The following PCDHA12 variants were observed in gnomAD, a reference collection of about 807,000 sequenced individuals.
PCDHA12 encodes the protein protocadherin alpha 12.
A neutral mutation model predicts 60.0 loss-of-function variants in PCDHA12; 44 were observed. The observed-to-expected ratio is 0.73, with a 90% CI of 0.58 to 0.94. The LOEUF (loss-of-function observed/expected upper bound fraction) is 0.94. PCDHA12 is among the 40% of genes least tolerant of loss of function. PCDHA12 has a pLI of 0.00. For synonymous variants in PCDHA12, 569 were observed against 553.0 expected, an observed-to-expected ratio of 1.03 and a Z score of -0.40; for missense variants, 1,276 against 1,239.7, an observed-to-expected ratio of 1.03 and a Z score of -0.44.
intron 1 of PCDHA12, among the ~76,000 whole-genome samples, chr5:140,916,395 G>A (rs2077556484): frequency 6.6e-6 from 1 of 152,180 alleles, no homozygotes; most frequent in African/African-American, 2.4e-5. Flanking sequence ...GGAATGTGCT[G>A]GATCACACCT....
intron 1 of PCDHA12, among the ~76,000 whole-genome samples, chr5:140,955,987 A>T (rs1185683030): frequency 6.6e-6 from 1 of 152,198 alleles, no homozygotes; most frequent in Non-Finnish European, 1.5e-5. Context: ...CAATTTTTGC[A>T]CATTGATTTT....
intron 1 of PCDHA12, among the ~76,000 whole-genome samples, chr5:140,970,887 G>A (rs2096441583): frequency 6.6e-6 from 1 of 152,118 alleles, no homozygotes; most frequent in Non-Finnish European, 1.5e-5. Context: ...TTTTCTCATG[G>A]ACATTTCAGA....
intron 3 of PCDHA12, among the ~76,000 whole-genome samples, chr5:140,996,673 T>C (rs2097737293): frequency 6.6e-6 from 1 of 152,200 alleles, no homozygotes; most frequent in African/African-American, 2.4e-5. Context: ...TTTTGAACCA[T>C]GTTGGGCTAG....
At chr5:140,948,292 A>G (rs1174586168) in intron 1 of PCDHA12, among the ~76,000 whole-genome samples, 1 of 151,576 alleles carries the variant, frequency 6.6e-6, no homozygotes, top group Non-Finnish European at 1.5e-5. Flanking sequence ...AATTTTGTAA[A>G]GAATATCTTT....
intron 1 of PCDHA12, among the ~76,000 whole-genome samples, chr5:140,886,986 A>C (rs1246352877): frequency 6.6e-6 from 1 of 152,160 alleles, no homozygotes; most frequent in Non-Finnish European, 1.5e-5. Context: ...TGTAAATCCA[A>C]ATTTCCAGTT....
intron 1 of PCDHA12, among the ~76,000 whole-genome samples, chr5:140,900,283 C>A (rs1325528461): frequency 6.6e-6 from 1 of 151,666 alleles, no homozygotes; most frequent in Non-Finnish European, 1.5e-5. Flanking sequence ...ACCACACTTT[C>A]TTTTCTGTTT....
intron 1 of PCDHA12, chr5:140,884,600 C>T: frequency 6.2e-7 from 1 of 1,614,150 alleles, no homozygotes; most frequent in Non-Finnish European, 8.5e-7. Flanking sequence ...CAGCCTTCCT[C>T]CTTGTCTGGG....
chr5:140,972,505 T>C (rs2096539361), intron 1 of PCDHA12, among the ~76,000 whole-genome samples: 1 of 152,100 alleles, frequency 6.6e-6, no homozygotes, highest in African/African-American at 2.4e-5. Flanking sequence ...GTTGGTAGAT[T>C]TTACCCCCAG....
intron 3 of PCDHA12, among the ~76,000 whole-genome samples, chr5:140,991,634 A>G (rs1261533190): frequency 5.9e-5 from 9 of 152,196 alleles, no homozygotes; most frequent in African/African-American, 1.7e-4. Flanking sequence ...TGTAATAACA[A>G]TCTGTTCATG....
In PCDHA12 at chr5:140,877,297, T is replaced by C. The variant is rs782559386; in HGVS notation, c.1825T>C (p.Tyr609His). 1 of 1,613,924 alleles carries C rather than the reference T, an allele frequency of 6.2e-7. No homozygotes were observed. The highest frequency in any genetic ancestry group is 2.2e-5 in the East Asian group (1 of 44,874). The change falls in exon 1 of 4, where the codon TAC becomes CAC. Residue 609 changes from tyrosine (Y) to histidine (H), a missense_variant. By Grantham distance (83) the Tyr-to-His change is moderately conservative. Transcript: ENST00000398631. ...ADSGYNAWLS[Y>H]ELQPAAVGAH... ...CTCCGGCTATAACGCTTGGCTGTCC[T>C]ACGAGTTGCAACCGGCGGCGGTCGG...
Position 140,978,996 on chromosome 5 carries a change from A to T in PCDHA12, c.2415A>T (p.Ala805=), listed in dbSNP as rs2096831053. The change falls in exon 2 of 4, where the codon GCA becomes GCT. Residue 805 remains alanine, a synonymous_variant. Coordinates refer to ENST00000398631, the MANE Select transcript of PCDHA12 (RefSeq NM_018903.4). ...GGCGTTACTCTGCCTCCCTGAGAGC[A>T]GGCATGCACAGGTATGTATTTCCCT... ...PDWRYSASLR[A]GMHSSVHLEE... 1 of 1,614,186 alleles carries T rather than the reference A, an allele frequency of 6.2e-7. No individual in the cohort carries two copies.
chr5:141,009,953 A>G lies in PCDHA12; in HGVS notation c.*16A>G, dbSNP rs782663496. 3 of 1,592,888 alleles carry G rather than the reference A, an allele frequency of 1.9e-6. No homozygotes were observed. Among genetic ancestry groups the G allele is most frequent in the Non-Finnish European group, 2.6e-6 (3 of 1,172,546 alleles). On this transcript the variant is annotated 3_prime_UTR_variant, in exon 4 of 4. Transcript: ENST00000398631. ...TGACCAGTGAGGTCCTCAAATGGAA[A>G]CAAGCCACTTAGCCAGTTTTTGTAA...
intron 1 of PCDHA12, among the ~76,000 whole-genome samples, chr5:140,893,546 A>T (rs765690335): frequency 2.0e-5 from 3 of 152,210 alleles, no homozygotes; most frequent in Non-Finnish European, 4.4e-5. Context: ...TGTAGGACTT[A>T]TCTAGTTGTA....
chr5:140,998,524 T>A (rs553357630), intron 3 of PCDHA12, among the ~76,000 whole-genome samples: 1 of 152,328 alleles, frequency 6.6e-6, no homozygotes, highest in East Asian at 1.9e-4. Flanking sequence ...TTATTCATAT[T>A]TATATCCCTA....
At chr5:140,892,702 A>G (rs1391662001) in intron 1 of PCDHA12, among the ~76,000 whole-genome samples, 1 of 152,240 alleles carries the variant, frequency 6.6e-6, no homozygotes, top group Admixed American at 6.5e-5. Flanking sequence ...AAATCAGGGT[A>G]ATTAGCATAT....
intron 2 of PCDHA12, among the ~76,000 whole-genome samples, chr5:140,979,939 T>A (rs2096870929): frequency 6.6e-6 from 1 of 152,210 alleles, no homozygotes; most frequent in African/African-American, 2.4e-5. Context: ...ATGTGTAGAG[T>A]TAATGTGAAA....
intron 1 of PCDHA12, among the ~76,000 whole-genome samples, chr5:140,946,338 A>T (rs1042874038): frequency 6.6e-6 from 1 of 151,824 alleles, no homozygotes; most frequent in Non-Finnish European, 1.5e-5. Flanking sequence ...ATAACAAGTG[A>T]TGGAGAGGAT....
rs1379948594 is a variant in PCDHA12, at chr5:140,982,575, G to A, written c.2515+12G>A. ...CAGTGCAACACCAGGTAAAGAGCTGGGGTCTCTCCATTCTTTCTTGGTTTC... is the reference window on the plus strand; with the variant it reads ...CAGTGCAACACCAGGTAAAGAGCTGAGGTCTCTCCATTCTTTCTTGGTTTC... On this transcript the variant is annotated intron_variant, in intron 3 of 3. Coordinates refer to ENST00000398631, the MANE Select transcript of PCDHA12 (RefSeq NM_018903.4). The A allele has an allele frequency of 6.2e-7, 1 of 1,613,444 alleles. No homozygotes were observed. The highest frequency in any genetic ancestry group is 8.5e-7 in the Non-Finnish European group (1 of 1,179,518).
intron 1 of PCDHA12, among the ~76,000 whole-genome samples, chr5:140,933,883 T>C (rs376864592): frequency 1.3e-5 from 2 of 152,084 alleles, no homozygotes; most frequent in East Asian, 1.9e-4. Context: ...GTTTTATCTG[T>C]ACTTTTGAAT....
Sources: allele counts gnomAD v4.1 joint callset (sites outside exome capture counted in the v4.1 genomes callset), GRCh38; gene constraint gnomAD v4.1.1; transcripts MANE v1.5; gene names NCBI Gene and HGNC (gene_info 2026-07-23, HGNC 2026-07-21).